ZNF609: variants seen among roughly 807,000 people sequenced by gnomAD.
ZNF609 encodes the protein zinc finger protein 609.
In ZNF609, 11 loss-of-function variants were observed where a neutral mutation model predicts 109.5. The observed-to-expected ratio is 0.10, with a 90% CI of 0.06 to 0.17. The LOEUF (loss-of-function observed/expected upper bound fraction) is 0.17. ZNF609 is among the 10% of genes least tolerant of loss of function. The pLI is 1.00. For synonymous variants in ZNF609, 646 were observed against 662.0 expected, an observed-to-expected ratio of 0.98 and a Z score of 0.37; for missense variants, 1,559 against 1,772.4, an observed-to-expected ratio of 0.88 and a Z score of 2.16.
At chr15:64,681,442 T>C in intron 9 of ZNF609, 55 bp downstream of exon 9, 2 of 1,446,246 alleles carry the variant, frequency 1.4e-6, no homozygotes, top group East Asian at 2.3e-5. Context: ...AGTTGCTACC[T>C]GGATCACAGA....
chr15:64,491,556 A>C (rs531796485), intron 1 of ZNF609, among the ~76,000 whole-genome samples: 1 of 152,214 alleles, frequency 6.6e-6, no homozygotes, highest in Non-Finnish European at 1.5e-5. Flanking sequence ...AGATGTTAAA[A>C]CCATGAGTTT....
intron 4 of ZNF609, among the ~76,000 whole-genome samples, chr15:64,671,623 G>A (rs1896732317): frequency 6.6e-6 from 1 of 152,098 alleles, no homozygotes; most frequent in Non-Finnish European, 1.5e-5. Flanking sequence ...GCCCCTTATA[G>A]CTTTTTCCTA....
chr15:64,538,037 C>T (rs1262868902), intron 2 of ZNF609, among the ~76,000 whole-genome samples: 1 of 151,360 alleles, frequency 6.6e-6, no homozygotes, highest in Non-Finnish European at 1.5e-5. Flanking sequence ...ACCTGGGAGG[C>T]GGAAGTTGCG....
At chr15:64,648,233 T>C (rs975130846) in intron 3 of ZNF609, among the ~76,000 whole-genome samples, 12 of 152,172 alleles carry the variant, frequency 7.9e-5, no homozygotes, top group Non-Finnish European at 1.8e-4. Flanking sequence ...ACACCTGTAA[T>C]CTCAATACTT....
intron 3 of ZNF609, among the ~76,000 whole-genome samples, chr15:64,625,706 T>G (rs1895942810): frequency 6.6e-6 from 1 of 150,554 alleles, no homozygotes; most frequent in Non-Finnish European, 1.5e-5. Flanking sequence ...CTGGCTAACA[T>G]GGTGAAACCC....
intron 6 of ZNF609, 117 bp downstream of exon 6, chr15:64,678,599 G>T (rs16948172): frequency 7.0e-7 from 1 of 1,423,742 alleles, no homozygotes. Context: ...CTTAGATGAC[G>T]GACCTTTTTT....
chr15:64,592,569 C>CTCT (rs1294359803), intron 2 of ZNF609, among the ~76,000 whole-genome samples: 2 of 151,274 alleles, frequency 1.3e-5, no homozygotes, highest in Middle Eastern at 3.6e-3. Flanking sequence ...CAGAGTGAGA[C>CTCT]TGTCTCAAAA....
chr15:64,560,618 G>T (rs1336446795), intron 2 of ZNF609, among the ~76,000 whole-genome samples: 2 of 152,150 alleles, frequency 1.3e-5, no homozygotes, highest in African/African-American at 2.4e-5. Context: ...CATGTGTGTG[G>T]AGGAGAAGAG....
intron 5 of ZNF609, among the ~76,000 whole-genome samples, chr15:64,676,749 T>G (rs559029248): frequency 7.9e-5 from 12 of 151,424 alleles, no homozygotes; most frequent in African/African-American, 2.9e-4. Context: ...TTATTTTATT[T>G]TATTTATTTA....
At chr15:64,591,903 G>T (rs1595730757) in intron 2 of ZNF609, among the ~76,000 whole-genome samples, 2 of 152,012 alleles carry the variant, frequency 1.3e-5, no homozygotes, top group African/African-American at 4.8e-5. Context: ...GTAGAGATGG[G>T]GTTTCACCAT....
At chr15:64,610,922 A>T (rs1279339268) in intron 2 of ZNF609, among the ~76,000 whole-genome samples, 79 of 152,292 alleles carry the variant, frequency 5.2e-4, no homozygotes, top group African/African-American at 1.9e-3. Context: ...GACTTCTGAC[A>T]TCGTGATTAT....
At chr15:64,513,167 A>C (rs1893758698) in intron 2 of ZNF609, among the ~76,000 whole-genome samples, 1 of 152,114 alleles carries the variant, frequency 6.6e-6, no homozygotes, top group Non-Finnish European at 1.5e-5. Flanking sequence ...AGTATCTCAA[A>C]TTCATATACC....
intron 2 of ZNF609, among the ~76,000 whole-genome samples, chr15:64,620,990 A>G (rs1051993643): frequency 6.6e-6 from 1 of 152,196 alleles, no homozygotes; most frequent in Non-Finnish European, 1.5e-5. Flanking sequence ...TACATGTATG[A>G]TCTTCTCTGA....
At chr15:64,622,743 A>T in intron 2 of ZNF609, 84 bp from the exon 3 acceptor site, 1 of 1,183,210 alleles carries the variant, frequency 8.5e-7, no homozygotes. Flanking sequence ...AGGAATAGAT[A>T]TAGGACTAGA....
At chr15:64,638,321 T>A (rs963384979) in intron 3 of ZNF609, among the ~76,000 whole-genome samples, 5 of 151,928 alleles carry the variant, frequency 3.3e-5, no homozygotes, top group African/African-American at 4.8e-5. Context: ...TAAATCTTGT[T>A]ATCTAGTAGT....
At chr15:64,671,006 G>A (rs1410963900) in intron 4 of ZNF609, among the ~76,000 whole-genome samples, 3 of 151,382 alleles carry the variant, frequency 2.0e-5, no homozygotes, top group East Asian at 1.9e-4. Context: ...TCAGGAGATC[G>A]AGACCATCCT....
chr15:64,517,205 A>T (rs575385175), intron 2 of ZNF609, among the ~76,000 whole-genome samples: 2 of 152,206 alleles, frequency 1.3e-5, no homozygotes, highest in East Asian at 1.9e-4. Context: ...GTGAAACTCC[A>T]TGTCTACTAA....
intron 3 of ZNF609, among the ~76,000 whole-genome samples, chr15:64,669,950 G>A (rs1322770635): frequency 6.6e-6 from 1 of 152,148 alleles, no homozygotes; most frequent in African/African-American, 2.4e-5. Context: ...TTACAGGCGT[G>A]AGCCACCACT....
chr15:64,675,278 A>C lies in ZNF609; in HGVS notation c.2424A>C (p.Gly808=), dbSNP rs1229288131. The stretch of plus-strand genomic sequence containing the variant: ...ACAATGCCCCCAGCCCTTCCATTGG[A>C]GGCAGTAGCCGCCTTGAAAACACTA... The part of the protein sequence containing the change: ...FTDNAPSPSI[G]GSSRLENTTP... Residue 808 remains glycine, a synonymous_variant, in exon 5 of 10, where the codon GGA becomes GGC. Coordinates refer to ENST00000326648, the MANE Select transcript of ZNF609 (RefSeq NM_015042.2). 1 of 1,613,944 alleles carries C rather than the reference A, an allele frequency of 6.2e-7. No homozygotes were observed. The highest frequency in any genetic ancestry group is 1.7e-5 in the Admixed American group (1 of 59,996).
Sources: gnomAD v4.1 joint callset for allele counts (sites outside exome capture counted in the v4.1 genomes callset) on GRCh38, gnomAD v4.1.1 for gene constraint, MANE v1.5 for transcripts, NCBI Gene and HGNC (gene_info 2026-07-23, HGNC 2026-07-21) for gene names.